The following SKA1 variants were observed in gnomAD, a reference collection of about 807,000 sequenced individuals.
SKA1 encodes spindle and kinetochore associated complex subunit 1, also known as SKA complex subunit 1.
In SKA1, 20 loss-of-function variants were observed where a neutral mutation model predicts 31.8. The observed-to-expected ratio is 0.63, with a 90% CI of 0.44 to 0.91. The LOEUF (loss-of-function observed/expected upper bound fraction) is 0.91, where lower values mean the gene tolerates loss of function less well. SKA1 is among the 40% of genes least tolerant of loss of function. The pLI, the probability that SKA1 is intolerant of heterozygous loss-of-function variation, is 0.00. For synonymous variants in SKA1, 88 were observed against 100.5 expected, an observed-to-expected ratio of 0.88 and a Z score of 0.74; for missense variants, 253 against 298.2, an observed-to-expected ratio of 0.85 and a Z score of 1.12.
intron 4 of SKA1, among the ~76,000 whole-genome samples, chr18:50,384,871 T>TCAAAAAAAAAAAAAAAAAAA (rs2041291752): frequency 1.2e-5 from 1 of 82,600 alleles, no homozygotes; most frequent in Non-Finnish European, 2.1e-5. Flanking sequence ...AAAAAAAAAT[T>TCAAAAAAAAAAAAAAAAAAA]AAAAAAAAAA....
chr18:50,393,683 T>G lies in SKA1; in HGVS notation c.*1436T>G, dbSNP rs1403131670. On this transcript the variant is annotated 3_prime_UTR_variant, in exon 7 of 7. Coordinates refer to ENST00000285116, the MANE Select transcript of SKA1 (RefSeq NM_145060.4). ...CCTTGTTCAGAGCTCCTAAAACCCT[T>G]GTAATTTCCAAAGTGATGGAGTACA... 6.6e-6 allele frequency: 1 copy of G among 152,222 alleles called. No homozygotes were observed. Among genetic ancestry groups the G allele is most frequent in the Non-Finnish European group, 1.5e-5 (1 of 68,034 alleles). 9.4% of individuals were successfully genotyped at this position (152,222 alleles called of 1,614,324 possible).
intron 5 of SKA1, among the ~76,000 whole-genome samples, chr18:50,389,128 GAC>G (rs112471149): frequency 0.25 from 37,620 of 151,950 alleles, 5,500 homozygotes; most frequent in Non-Finnish European, 0.35. Context: ...GGATGGGAGT[GAC>G]AGTTTCCAAG....
chr18:50,390,170 G>C (rs866056220), intron 5 of SKA1, among the ~76,000 whole-genome samples: 1 of 152,216 alleles, frequency 6.6e-6, no homozygotes, highest in South Asian at 2.1e-4. Context: ...GAAAAAACAG[G>C]ACAGCAAAAA....
In SKA1 at chr18:50,391,283, G is replaced by C; in HGVS notation, c.609G>C (p.Lys203Asn). The stretch of plus-strand genomic sequence containing the variant: ...ACAGATTTATTGATGAAGAAACGAA[G>C]GATACCAAAGGTAAAATGGCAGCAT... The part of the protein sequence containing the change: ...LYHRFIDEET[K>N]DTKGRYFIVE... Residue 203 changes from lysine (K) to asparagine (N), a missense_variant, in exon 6 of 7, where the codon AAG becomes AAC. Transcript: ENST00000285116. The C allele has an allele frequency of 6.3e-7, 1 of 1,589,104 alleles. No individual in the cohort carries two copies. Among genetic ancestry groups the C allele is most frequent in the Non-Finnish European group, 8.5e-7 (1 of 1,172,440 alleles).
At chr18:50,382,942 G>A (rs1448162638) in intron 4 of SKA1, among the ~76,000 whole-genome samples, 2 of 152,232 alleles carry the variant, frequency 1.3e-5, no homozygotes, top group African/African-American at 4.8e-5. Context: ...GCTGAGGCGG[G>A]AGGATTGCTT....
chr18:50,385,469 A>T (rs2041299975), intron 5 of SKA1, 116 bp downstream of exon 5: 7 of 966,370 alleles, frequency 7.2e-6, no homozygotes, highest in Non-Finnish European at 1.0e-5. Context: ...GATCTTTTAA[A>T]AAAGTTTCAC....
chr18:50,382,077 A>C (rs2041267987), intron 3 of SKA1, 52 bp from the exon 4 acceptor site: 2 of 1,087,886 alleles, frequency 1.8e-6, no homozygotes, highest in South Asian at 3.0e-5. Flanking sequence ...GAATATCTTA[A>C]AACACACATG....
At chr18:50,376,547 T>A (rs1475230671) in intron 2 of SKA1, among the ~76,000 whole-genome samples, 1 of 76,798 alleles carries the variant, frequency 1.3e-5, no homozygotes, top group Non-Finnish European at 2.6e-5. Context: ...TGGAAGTTGC[T>A]GTGGGTGAGA....
chr18:50,383,814 T>A (rs1218658498), intron 4 of SKA1, among the ~76,000 whole-genome samples: 1 of 152,234 alleles, frequency 6.6e-6, no homozygotes, highest in Non-Finnish European at 1.5e-5. Flanking sequence ...CCTCAACACA[T>A]GGTCAAGACA....
intron 4 of SKA1, 76 bp downstream of exon 4, chr18:50,382,302 C>A: frequency 1.2e-6 from 1 of 831,748 alleles, no homozygotes; most frequent in Non-Finnish European, 1.8e-6. Context: ...GCCTTTTGTT[C>A]TTTCATATAC....
At chr18:50,382,288 C>T (rs777724558) in intron 4 of SKA1, 62 bp downstream of exon 4, 20 of 1,058,848 alleles carry the variant, frequency 1.9e-5, no homozygotes, top group Non-Finnish European at 2.7e-5. Flanking sequence ...ACAAGTTCTT[C>T]AAAGCCTTTT....
At position 50,391,118 on chromosome 18, in the gene SKA1, T is replaced by C; in HGVS notation, c.450-6T>C. Reference sequence around the variant, plus strand: ...AAACAATAATTAGCCATATACTTTTTTACAGGTACATGAAATCCCGCTTAA... The same window carrying C: ...AAACAATAATTAGCCATATACTTTTCTACAGGTACATGAAATCCCGCTTAA... On this transcript the variant is annotated splice_region_variant and splice_polypyrimidine_tract_variant and intron_variant, in intron 5 of 6. Coordinates refer to ENST00000285116, the MANE Select transcript of SKA1 (RefSeq NM_145060.4). The C allele has an allele frequency of 6.7e-7, 1 of 1,496,326 alleles. No homozygotes were observed. Among genetic ancestry groups the C allele is most frequent in the East Asian group, 2.4e-5 (1 of 42,384 alleles). 92.7% of individuals were successfully genotyped at this position (1,496,326 alleles called of 1,614,324 possible).
Position 50,385,246 on chromosome 18 carries a change from A to T in SKA1, c.342A>T (p.Glu114Asp). 2 of 1,613,598 alleles carry T rather than the reference A, an allele frequency of 1.2e-6. No homozygotes were observed. The highest frequency in any genetic ancestry group is 1.7e-6 in the Non-Finnish European group (2 of 1,179,768). ...AGGGATCAGATCTTGATCCTGAAGA[A>T]CCAATCAAAGTTGAAGAACCTGAAC... Reference protein sequence around the residue: ...CVKGSDLDPEEPIKVEEPEPV... With the variant: ...CVKGSDLDPEDPIKVEEPEPV... Residue 114 changes from glutamate to aspartate, a missense_variant, in exon 5 of 7, where the codon GAA becomes GAT. By Grantham distance (45) the Glu-to-Asp change is conservative (BLOSUM62 2). Transcript: ENST00000285116.
chr18:50,379,371 C>T (rs2041246195), intron 2 of SKA1, among the ~76,000 whole-genome samples: 2 of 152,072 alleles, frequency 1.3e-5, no homozygotes, highest in African/African-American at 4.8e-5. Flanking sequence ...ACTTTGTCTG[C>T]TTAGGGGTGG....
chr18:50,382,775 A>G (rs1438307518), intron 4 of SKA1, among the ~76,000 whole-genome samples: 2 of 152,186 alleles, frequency 1.3e-5, no homozygotes, highest in African/African-American at 2.4e-5. Flanking sequence ...GCTCACGCCT[A>G]TAATCCTAGC....
At chr18:50,391,022 A>G in intron 5 of SKA1, 102 bp from the exon 6 acceptor site, 1 of 762,380 alleles carries the variant, frequency 1.3e-6, no homozygotes, top group Non-Finnish European at 2.0e-6. Flanking sequence ...AGGGTACTGT[A>G]GTTTTACTGT....
At position 50,392,149 on chromosome 18, in the gene SKA1, G is replaced by A; in HGVS notation, c.670G>A (p.Ala224Thr). Residue 224 changes from alanine (A) to threonine (T), a missense_variant, in exon 7 of 7, where the codon GCT becomes ACT. By Grantham distance (58) the Ala-to-Thr change is moderately conservative (BLOSUM62 0). Transcript: ENST00000285116. The stretch of plus-strand genomic sequence containing the variant: ...CATAAAGGAGTTCACAACTTTGAAA[G>A]CTGACAAGAAGTTTCACGTGTTACT... ...ADIKEFTTLKADKKFHVLLNI... is the reference protein window; with the variant it reads ...ADIKEFTTLKTDKKFHVLLNI... 4 of 1,609,948 alleles carry A rather than the reference G, an allele frequency of 2.5e-6. No homozygotes were observed. The African/African-American group carries it at 5.4e-5, about 22-fold the overall frequency.
chr18:50,385,424 A>G (rs1299840998), intron 5 of SKA1, 71 bp downstream of exon 5: 2 of 1,261,722 alleles, frequency 1.6e-6, no homozygotes, highest in Admixed American at 4.8e-5. Flanking sequence ...ATAAAGCTTA[A>G]TTATATTAAT....
Position 50,376,615 on chromosome 18 carries a change from A to G in SKA1, c.88+697A>G, listed in dbSNP as rs533669488. Among the ~76,000 whole-genome samples the G allele has an allele frequency of 2.6e-5, 4 of 152,296 alleles. No individual in the cohort carries two copies. In the East Asian group the frequency reaches 7.7e-4, roughly 29 times the overall value. On this transcript the variant is annotated intron_variant, in intron 2 of 6. Transcript: ENST00000285116. ...TACTACTGTAGGCTTTATAAGTACT[A>G]TACACTTATGCTACACTAAATTTAT...
Sources: gnomAD v4.1 joint callset for allele counts (sites outside exome capture counted in the v4.1 genomes callset) on GRCh38, gnomAD v4.1.1 for gene constraint, MANE v1.5 for transcripts, NCBI Gene and HGNC (gene_info 2026-07-23, HGNC 2026-07-21) for gene names.